The following C12orf76 variants were observed in gnomAD, a reference collection of about 807,000 sequenced individuals.
C12orf76 encodes the protein uncharacterized protein C12orf76.
Under a neutral mutation model 6.8 loss-of-function variants are expected in C12orf76, and 6 were observed. The ratio of observed to expected loss-of-function variants is 0.88; its 90% confidence interval spans 0.48 to 1.73. C12orf76 has a LOEUF of 1.73. Ranked by LOEUF, C12orf76 falls within the 40% of genes most tolerant of loss-of-function variation. The pLI is 0.01. For missense variants in C12orf76, 99 were observed against 98.2 expected (o/e 1.01, Z -0.03); for synonymous variants, 56 against 43.7 (o/e 1.28, Z -1.11).
intron 1 of C12orf76, among the ~76,000 whole-genome samples, chr12:110,042,823 C>T (rs762307458): frequency 6.6e-6 from 1 of 151,932 alleles, no homozygotes; most frequent in Non-Finnish European, 1.5e-5. Context: ...TTTGGGAGGC[C>T]TAGGTGGGTG....
At chr12:110,073,010 T>C (rs758785016) in intron 1 of C12orf76, among the ~76,000 whole-genome samples, 2 of 151,546 alleles carry the variant, frequency 1.3e-5, no homozygotes, top group African/African-American at 4.8e-5. Context: ...GTTGGTGACC[T>C]GAAGTTAAAA....
rs368979925 is a variant in C12orf76, at chr12:110,058,629, C to A, written n.556+359G>T. Among the ~76,000 whole-genome samples the A allele has an allele frequency of 5.7e-4, 86 of 152,144 alleles. 6 individuals are homozygous for A. The South Asian group carries it at 0.017, about 29-fold the overall frequency. On this transcript the variant is annotated intron_variant and non_coding_transcript_variant, in intron 3 of 4. Transcript: ENST00000309050. ...GCAGTGAGCCGAGATCATGCCACTGCACTGCACTTCAGCCTGGGCAACAGA... is the reference window on the plus strand; with the variant it reads ...GCAGTGAGCCGAGATCATGCCACTGAACTGCACTTCAGCCTGGGCAACAGA...
chr12:110,058,739 T>C (rs1892719974), intron 3 of C12orf76, among the ~76,000 whole-genome samples: 1 of 152,196 alleles, frequency 6.6e-6, no homozygotes, highest in Non-Finnish European at 1.5e-5. Context: ...GGCAGTTCCA[T>C]ATGGCTCAAG....
chr12:110,052,225 G>A (rs1249335796), upstream of C12orf76, among the ~76,000 whole-genome samples: 4 of 146,842 alleles, frequency 2.7e-5, no homozygotes, highest in Admixed American at 1.4e-4. Context: ...ACGGAGTCTC[G>A]CTCTGTTGCC....
upstream of C12orf76, among the ~76,000 whole-genome samples, chr12:110,070,888 C>T (rs1452652569): frequency 6.6e-6 from 1 of 152,160 alleles, no homozygotes; most frequent in African/African-American, 2.4e-5. Flanking sequence ...AATTCTTGTG[C>T]CTCAGCTTAC....
upstream of C12orf76, chr12:110,049,711 C>G (rs1054123015): frequency 5.3e-5 from 8 of 152,214 alleles, no homozygotes; most frequent in Admixed American, 4.6e-4. Context: ...TTCAGGCCAT[C>G]TGGATGTATA....
At chr12:110,062,686 C>T (rs1892791957) in intron 2 of C12orf76, among the ~76,000 whole-genome samples, 1 of 148,966 alleles carries the variant, frequency 6.7e-6, no homozygotes, top group Non-Finnish European at 1.5e-5. Flanking sequence ...GTGGCATAAA[C>T]ACGACTCACT....
upstream of C12orf76, among the ~76,000 whole-genome samples, chr12:110,068,789 T>G (rs2137242108): frequency 6.6e-6 from 1 of 152,308 alleles, no homozygotes; most frequent in East Asian, 1.9e-4. Context: ...ACCTGCCACT[T>G]GCTACTGTAA....
At chr12:110,049,865 C>G (rs1593245132), upstream of C12orf76, 1 of 152,126 alleles carries the variant, frequency 6.6e-6, no homozygotes, top group Non-Finnish European at 1.5e-5. Context: ...AACTCCCTGC[C>G]CTGTTCTGTT....
chr12:110,051,185 A>G (rs772527504), upstream of C12orf76: 8 of 778,302 alleles, frequency 1.0e-5, no homozygotes, highest in South Asian at 1.1e-4. Flanking sequence ...AGGCACAGGA[A>G]AGCATCAATG....
At chr12:110,056,957 G>T in intron 4 of C12orf76, 1 of 507,094 alleles carries the variant, frequency 2.0e-6, no homozygotes, top group Non-Finnish European at 3.5e-6. Flanking sequence ...GTCTTTATTA[G>T]CAGCATGAGA....
chr12:110,059,529 T>A (rs181123830), intron 2 of C12orf76, among the ~76,000 whole-genome samples: 134 of 152,312 alleles, frequency 8.8e-4, no homozygotes, highest in Non-Finnish European at 1.7e-3. Flanking sequence ...TTGCCAGAAA[T>A]CCCTGCACAA....
At chr12:110,059,111 A>G in exon 3 of C12orf76, 1 of 1,551,314 alleles carries the variant, frequency 6.4e-7, no homozygotes. Context: ...AGCTCTCTTA[A>G]ATGCTATGGT....
intron 1 of C12orf76, among the ~76,000 whole-genome samples, chr12:110,045,634 A>C (rs1293715572): frequency 6.6e-6 from 1 of 151,956 alleles, no homozygotes; most frequent in Admixed American, 6.6e-5. Context: ...AATGCAGAAG[A>C]TTGGAATTGG....
Position 110,057,270 on chromosome 12 carries a change from G to A in C12orf76, n.583C>T, listed in dbSNP as rs187232235. The A allele has an allele frequency of 4.2e-5, 67 of 1,613,740 alleles. No homozygotes were observed. In the Admixed American group the frequency reaches 1.1e-3, roughly 26 times the overall value. ...CTCTGCAGGGAGGATGTGCCTTTCA[G>A]CAAAGTTCCTCTCCCCCTTACAGCT... On this transcript the variant is annotated non_coding_transcript_exon_variant, in exon 4 of 5. Coordinates refer to the C12orf76 transcript ENST00000309050.
intron 1 of C12orf76, 148 bp downstream of exon 1, chr12:110,048,215 G>C: frequency 9.7e-7 from 1 of 1,027,948 alleles, no homozygotes; most frequent in Non-Finnish European, 1.3e-6. Flanking sequence ...GGAGTCTCGG[G>C]GCCCCCTGAG....
In C12orf76 at chr12:110,065,885, C is replaced by G. The variant is rs764746573; in HGVS notation, n.355G>C. ...CAGGTTCTGGAACATGCTGTCCTTG[C>G]TGTTCCTCTTTTGTGCTTCCAGATC... is the stretch of plus-strand genomic sequence containing the variant. On this transcript the variant is annotated non_coding_transcript_exon_variant, in exon 2 of 5. Transcript: ENST00000309050. The G allele has an allele frequency of 2.5e-6, 4 of 1,614,184 alleles. 1 individual carries two copies. The highest frequency in any genetic ancestry group is 3.4e-6 in the Non-Finnish European group (4 of 1,180,026).
chr12:110,043,105 A>G (rs1298580368), intron 1 of C12orf76, among the ~76,000 whole-genome samples: 2 of 151,934 alleles, frequency 1.3e-5, no homozygotes, highest in Non-Finnish European at 2.9e-5. Flanking sequence ...AGACCTTACG[A>G]GTGAGGCTCT....
chr12:110,042,478 T>A lies in C12orf76; in HGVS notation c.134-19A>T. 6.5e-7 allele frequency: 1 copy of A among 1,546,394 alleles called. No homozygotes were observed. Among genetic ancestry groups the A allele is most frequent in the Non-Finnish European group, 8.9e-7 (1 of 1,118,548 alleles). ...ATCAACACTGCAAAGGGAAAACAGG[T>A]TACTTCCTAATGGCAGCTCCAGGTT... On this transcript the variant is annotated intron_variant, in intron 1 of 1. Coordinates refer to ENST00000615315, the MANE Select transcript of C12orf76 (RefSeq NM_001389625.1).
Sources: gnomAD v4.1 joint callset for allele counts (sites outside exome capture counted in the v4.1 genomes callset) on GRCh38, gnomAD v4.1.1 for gene constraint, MANE v1.5 for transcripts, NCBI Gene and HGNC (gene_info 2026-07-23, HGNC 2026-07-21) for gene names.